REV3L: variants seen among roughly 807,000 people sequenced by gnomAD.
REV3L encodes DNA polymerase zeta catalytic subunit.
In REV3L, 69 loss-of-function variants were observed where a neutral mutation model predicts 299.4. That is an observed-to-expected ratio of 0.23 (90% confidence interval 0.19 to 0.28). The LOEUF (loss-of-function observed/expected upper bound fraction) is 0.28. REV3L is among the 10% of genes least tolerant of loss of function. The pLI, the probability that REV3L is intolerant of heterozygous loss-of-function variation, is 1.00. For missense variants in REV3L, 3,128 were observed against 3,693.8 expected, an observed-to-expected ratio of 0.85 and a Z score of 3.97; for synonymous variants, 1,238 against 1,271.4, an observed-to-expected ratio of 0.97 and a Z score of 0.56.
chr6:111,326,275 A>G (rs1359333205), intron 25 of REV3L, among the ~76,000 whole-genome samples: 1 of 152,206 alleles, frequency 6.6e-6, no homozygotes, highest in Non-Finnish European at 1.5e-5. Context: ...AGGAACTCAA[A>G]CAACTCAGTA....
chr6:111,388,743 T>C (rs1051526456), intron 7 of REV3L, among the ~76,000 whole-genome samples: 1 of 152,208 alleles, frequency 6.6e-6, no homozygotes, highest in African/African-American at 2.4e-5. Context: ...GCTTAATGTA[T>C]TAAACAGTGT....
At chr6:111,436,111 C>T (rs1358577830) in intron 1 of REV3L, among the ~76,000 whole-genome samples, 1 of 152,160 alleles carries the variant, frequency 6.6e-6, no homozygotes, top group Non-Finnish European at 1.5e-5. Context: ...GCGATATCAT[C>T]TCACCCCAGT....
At chr6:111,437,624 A>G (rs1393509436) in intron 1 of REV3L, among the ~76,000 whole-genome samples, 1 of 152,066 alleles carries the variant, frequency 6.6e-6, no homozygotes, top group Non-Finnish European at 1.5e-5. Flanking sequence ...CATTTATGTG[A>G]AATGTCCAAA....
intron 4 of REV3L, among the ~76,000 whole-genome samples, chr6:111,393,265 C>T (rs1321210293): frequency 6.6e-6 from 1 of 152,158 alleles, no homozygotes; most frequent in African/African-American, 2.4e-5. Flanking sequence ...GATCCGCCTG[C>T]CTCGGCCTCC....
intron 1 of REV3L, among the ~76,000 whole-genome samples, chr6:111,452,889 G>A (rs1280506527): frequency 1.3e-5 from 2 of 152,074 alleles, no homozygotes; most frequent in Non-Finnish European, 2.9e-5. Flanking sequence ...ACACCTGACA[G>A]AAAATAGCAA....
Position 111,381,317 on chromosome 6 carries a change from T to G in REV3L, c.1216+8A>C. The G allele has an allele frequency of 6.2e-7, 1 of 1,613,196 alleles. No homozygotes were observed. Among genetic ancestry groups the G allele is most frequent in the Non-Finnish European group, 8.5e-7 (1 of 1,179,756 alleles). On this transcript the variant is annotated splice_region_variant and intron_variant, in intron 10 of 31. Coordinates refer to ENST00000368802, the MANE Select transcript of REV3L (RefSeq NM_001372078.1). Reference sequence around the variant, plus strand: ...ATACTGAATATTTATGGTAGCACTGTTACTTACTGAAAACAGGTGACTCAC... The same window carrying G: ...ATACTGAATATTTATGGTAGCACTGGTACTTACTGAAAACAGGTGACTCAC...
chr6:111,417,401 C>T (rs1784890345), intron 1 of REV3L, among the ~76,000 whole-genome samples: 1 of 152,100 alleles, frequency 6.6e-6, no homozygotes, highest in Admixed American at 6.5e-5. Context: ...TCCCTAGTTC[C>T]CCTTGGGTAT....
chr6:111,338,312 C>CTTTTTTTTTTTTTTTTTTTTTT (rs144497761), intron 21 of REV3L, among the ~76,000 whole-genome samples: 2 of 47,942 alleles, frequency 4.2e-5, no homozygotes, highest in Admixed American at 2.2e-4. Context: ...GTCTAAAGTC[C>CTTTTTTTTTTTTTTTTTTTTTT]TTTTTTTTTT....
intron 1 of REV3L, among the ~76,000 whole-genome samples, chr6:111,480,643 CTG>C (rs1439875072): frequency 2.6e-5 from 4 of 152,142 alleles, no homozygotes; most frequent in African/African-American, 7.2e-5. Flanking sequence ...TTGTTGGAAA[CTG>C]TGAACTACAT....
At chr6:111,431,258 T>C (rs1342509030) in intron 1 of REV3L, 3 of 1,502,780 alleles carry the variant, frequency 2.0e-6, no homozygotes, top group Admixed American at 1.7e-5. Flanking sequence ...CTACAAGAGA[T>C]TTAGATGTCA....
At chr6:111,456,158 C>T (rs1337693240) in intron 1 of REV3L, among the ~76,000 whole-genome samples, 1 of 152,226 alleles carries the variant, frequency 6.6e-6, no homozygotes, top group African/African-American at 2.4e-5. Flanking sequence ...TCTCAGAACA[C>T]ATCCCTGTCG....
intron 1 of REV3L, among the ~76,000 whole-genome samples, chr6:111,421,592 A>G (rs1192689647): frequency 6.6e-6 from 1 of 151,988 alleles, no homozygotes; most frequent in Non-Finnish European, 1.5e-5. Flanking sequence ...TTCTTTCTCC[A>G]TCATCATCTG....
intron 1 of REV3L, among the ~76,000 whole-genome samples, chr6:111,448,847 T>C (rs1282213478): frequency 1.4e-5 from 2 of 147,696 alleles, no homozygotes; most frequent in African/African-American, 5.0e-5. Flanking sequence ...CCCAGCCTGG[T>C]CTCTAACTCC....
At chr6:111,464,570 C>CAA (rs1385089449) in intron 1 of REV3L, among the ~76,000 whole-genome samples, 2 of 152,060 alleles carry the variant, frequency 1.3e-5, no homozygotes, top group Non-Finnish European at 2.9e-5. Context: ...AATAAAAAGA[C>CAA]AGACTTATAT....
At chr6:111,430,849 A>G in intron 1 of REV3L, 4 of 1,607,076 alleles carry the variant, frequency 2.5e-6, no homozygotes, top group Non-Finnish European at 3.4e-6. Context: ...AATTGGAAAG[A>G]AGAAAACCAG....
In REV3L at chr6:111,309,928, T is replaced by G; in HGVS notation, c.8967A>C (p.Gln2989His). The part of the protein sequence containing the change: ...RLNATYYITK[Q>H]ILPPLARIFS... ...AGATTCTTGCCAAGGGTGGAAGGAT[T>G]TGCTTGGTAATATAGTAAGTAGCAT... Residue 2989 changes from glutamine to histidine, a missense_variant, in exon 30 of 32, where the codon CAA (glutamine) becomes CAC (histidine). By Grantham distance (24) the Gln-to-His change is conservative. Transcript: ENST00000368802. 1 of 1,614,054 alleles carries G rather than the reference T, an allele frequency of 6.2e-7. No homozygotes were observed. The highest frequency in any genetic ancestry group is 8.5e-7 in the Non-Finnish European group (1 of 1,179,982).
intron 15 of REV3L, among the ~76,000 whole-genome samples, 185 bp from the exon 16 acceptor site, chr6:111,364,163 C>G (rs1358649273): frequency 6.6e-6 from 1 of 152,060 alleles, no homozygotes. Flanking sequence ...ACAAAGATAT[C>G]AGAACTGGAT....
In REV3L at chr6:111,410,518, A is replaced by G. The variant is rs571330162; in HGVS notation, c.404+962T>C. 2.0e-5 allele frequency among the ~76,000 whole-genome samples: 3 copies of G among 152,372 alleles called. No individual in the cohort carries two copies. In the South Asian group the frequency reaches 6.2e-4, roughly 32 times the overall value. ...TATGTGTGTGAGAGAATAAGAGTCC[A>G]CAGAAATTGCTCTTTTGTACTCCAC... On this transcript the variant is annotated intron_variant, in intron 3 of 31. Transcript: ENST00000368802.
At chr6:111,336,515 T>C (rs1775907072) in intron 21 of REV3L, among the ~76,000 whole-genome samples, 1 of 152,062 alleles carries the variant, frequency 6.6e-6, no homozygotes, top group South Asian at 2.1e-4. Flanking sequence ...ATAAAAAAGA[T>C]AATAACAGTA....
Sources: gnomAD v4.1 joint callset for allele counts (sites outside exome capture counted in the v4.1 genomes callset) on GRCh38, gnomAD v4.1.1 for gene constraint, MANE v1.5 for transcripts, NCBI Gene and HGNC (gene_info 2026-07-23, HGNC 2026-07-21) for gene names.